IQCJ: variants seen among roughly 807,000 people sequenced by gnomAD.
IQCJ encodes IQ motif containing J.
A neutral mutation model predicts 11.0 loss-of-function variants in IQCJ; 9 were observed. The observed-to-expected ratio is 0.82, with a 90% CI of 0.49 to 1.43. The LOEUF (loss-of-function observed/expected upper bound fraction) is 1.43. Ranked by LOEUF, IQCJ falls within the 40% of genes most tolerant of loss-of-function variation. The probability of loss-of-function intolerance (pLI) is 0.00; values close to 1 mark genes in which losing one functional copy is unlikely to be tolerated. For missense variants in IQCJ, 146 were observed against 133.2 expected (o/e 1.10, Z -0.47); for synonymous variants, 55 against 51.3 (o/e 1.07, Z -0.31).
chr3:159,105,762 C>T (rs1418411543), intron 1 of IQCJ, among the ~76,000 whole-genome samples: 2 of 152,120 alleles, frequency 1.3e-5, no homozygotes, highest in Admixed American at 6.6e-5. Context: ...GAGATTGCAG[C>T]TTGGTGAACA....
chr3:159,226,382 C>A (rs1725854028), intron 1 of IQCJ, among the ~76,000 whole-genome samples: 1 of 152,118 alleles, frequency 6.6e-6, no homozygotes, highest in Admixed American at 6.5e-5. Context: ...CTTAGAAGTT[C>A]TTATGTATGG....
intron 1 of IQCJ, among the ~76,000 whole-genome samples, chr3:159,214,752 A>G (rs544479403): frequency 6.6e-6 from 1 of 152,328 alleles, no homozygotes; most frequent in South Asian, 2.1e-4. Context: ...CCTGTGAGCT[A>G]CAGGATTTCA....
intron 1 of IQCJ, among the ~76,000 whole-genome samples, chr3:159,127,914 A>G (rs1410622083): frequency 3.9e-5 from 6 of 152,146 alleles, no homozygotes; most frequent in Admixed American, 3.9e-4. Context: ...TTAATCTGGG[A>G]GTTCTGTTAC....
chr3:159,121,645 C>T (rs928743162), intron 1 of IQCJ, among the ~76,000 whole-genome samples: 2 of 152,160 alleles, frequency 1.3e-5, no homozygotes, highest in Non-Finnish European at 2.9e-5. Context: ...GCCATATTTT[C>T]TTTGAGGTTG....
intron 1 of IQCJ, among the ~76,000 whole-genome samples, chr3:159,105,286 G>A (rs531221798): frequency 1.3e-3 from 204 of 152,306 alleles, no homozygotes; most frequent in African/African-American, 4.9e-3. Context: ...ACTCAAGTAT[G>A]GCTTTTTCTC....
intron 1 of IQCJ, among the ~76,000 whole-genome samples, chr3:159,219,655 A>C (rs1164660578): frequency 6.6e-6 from 1 of 152,204 alleles, no homozygotes; most frequent in Non-Finnish European, 1.5e-5. Flanking sequence ...AAAATATTAA[A>C]GATCTCTCCT....
At chr3:159,072,858 C>T (rs1224428920) in intron 1 of IQCJ, among the ~76,000 whole-genome samples, 2 of 152,004 alleles carry the variant, frequency 1.3e-5, no homozygotes, top group African/African-American at 4.8e-5. Flanking sequence ...TAGAGCCCAG[C>T]CTTCTAGCCA....
chr3:159,211,312 C>G (rs750238526), intron 1 of IQCJ, among the ~76,000 whole-genome samples: 3 of 152,116 alleles, frequency 2.0e-5, no homozygotes, highest in Non-Finnish European at 2.9e-5. Context: ...TTAAAATTAT[C>G]CTAGCCAACT....
At chr3:159,195,742 C>T (rs1283650338) in intron 1 of IQCJ, among the ~76,000 whole-genome samples, 5 of 152,150 alleles carry the variant, frequency 3.3e-5, no homozygotes, top group Admixed American at 2.0e-4. Context: ...AAGCTATCAC[C>T]CCCGTAGTGC....
chr3:159,082,356 T>C (rs1716374326), intron 1 of IQCJ, among the ~76,000 whole-genome samples: 3 of 152,024 alleles, frequency 2.0e-5, no homozygotes. Flanking sequence ...AAGTTTTTTT[T>C]TTTTGTTAGC....
Position 159,126,764 on chromosome 3 carries a change from A to T in IQCJ, c.9+57323A>T, listed in dbSNP as rs373651124. ...AAGCAATCTTTCCAGGAGCACATTG[A>T]CCTTCTTTTTTTTTCATTTGTTGAT... On this transcript the variant is annotated intron_variant, in intron 1 of 3. Coordinates refer to ENST00000397832, the MANE Select transcript of IQCJ (RefSeq NM_001042706.3). Among the ~76,000 whole-genome samples the T allele has an allele frequency of 5.9e-5, 9 of 151,962 alleles. 1 individual carries two copies. The highest frequency in any genetic ancestry group is 5.8e-4 in the East Asian group (3 of 5,186).
Position 159,074,184 on chromosome 3 carries a change from G to T in IQCJ, c.9+4743G>T, listed in dbSNP as rs73025581. ...AAAATAGGCTTGCGTGAAGGTGAAT[G>T]AGGCTGTGATGTGGAGGCTCCACTG... is the stretch of plus-strand genomic sequence containing the variant. On this transcript the variant is annotated intron_variant, in intron 1 of 3. Coordinates refer to ENST00000397832, the MANE Select transcript of IQCJ (RefSeq NM_001042706.3). Among the ~76,000 whole-genome samples the T allele has an allele frequency of 7.3e-3, 1,113 of 152,238 alleles. 12 individuals carry two copies. Among genetic ancestry groups the T allele is most frequent in the African/African-American group, 0.025 (1,056 of 41,550 alleles).
intron 1 of IQCJ, among the ~76,000 whole-genome samples, chr3:159,145,066 T>C (rs1485865587): frequency 6.6e-6 from 1 of 152,222 alleles, no homozygotes; most frequent in Non-Finnish European, 1.5e-5. Flanking sequence ...TTCATTGGTG[T>C]TATTCAGGTT....
intron 1 of IQCJ, among the ~76,000 whole-genome samples, chr3:159,071,279 T>C (rs1715543514): frequency 6.6e-6 from 1 of 152,018 alleles, no homozygotes; most frequent in Non-Finnish European, 1.5e-5. Context: ...TTAGGAGCCA[T>C]TAAAAATCTG....
At chr3:159,154,373 G>A (rs1721396800) in intron 1 of IQCJ, among the ~76,000 whole-genome samples, 1 of 152,038 alleles carries the variant, frequency 6.6e-6, no homozygotes, top group African/African-American at 2.4e-5. Context: ...AGAGATGAGA[G>A]GATGAATGCA....
chr3:159,231,411 C>A (rs976560076), intron 1 of IQCJ, among the ~76,000 whole-genome samples: 7 of 152,166 alleles, frequency 4.6e-5, no homozygotes, highest in African/African-American at 1.7e-4. Context: ...CACCTTATCT[C>A]ATTCTTGTTT....
chr3:159,110,119 G>C (rs2108118177), intron 1 of IQCJ, among the ~76,000 whole-genome samples: 1 of 152,306 alleles, frequency 6.6e-6, no homozygotes, highest in Admixed American at 6.5e-5. Context: ...ACACTAGAGT[G>C]GAGAGGTGGA....
chr3:159,125,246 C>T (rs541897719), intron 1 of IQCJ, among the ~76,000 whole-genome samples: 4 of 152,080 alleles, frequency 2.6e-5, no homozygotes, highest in South Asian at 2.1e-4. Flanking sequence ...ATCCCAATTC[C>T]GAGACATTCT....
At chr3:159,087,798 GTC>G (rs1716907458) in intron 1 of IQCJ, among the ~76,000 whole-genome samples, 1 of 151,144 alleles carries the variant, frequency 6.6e-6, no homozygotes, top group African/African-American at 2.4e-5. Flanking sequence ...ATCTATTTGA[GTC>G]TTCTCTCTTT....
Sources: allele counts gnomAD v4.1 joint callset (sites outside exome capture counted in the v4.1 genomes callset), GRCh38; gene constraint gnomAD v4.1.1; transcripts MANE v1.5; gene names NCBI Gene and HGNC (gene_info 2026-07-23, HGNC 2026-07-21).